TAF1D: variants seen among roughly 807,000 people sequenced by gnomAD.
TAF1D encodes TATA box-binding protein-associated factor RNA polymerase I subunit D.
Under a neutral mutation model 26.2 loss-of-function variants are expected in TAF1D, and 23 were observed. That is an observed-to-expected ratio of 0.88 (90% CI 0.63 to 1.25). TAF1D has a LOEUF of 1.25. Among genes scored for constraint, TAF1D ranks in the 50% most tolerant of loss-of-function variants. TAF1D has a pLI of 0.00. For synonymous variants in TAF1D, 100 were observed against 105.6 expected (o/e 0.95, Z 0.33); for missense variants, 299 against 322.0 (o/e 0.93, Z 0.55).
At chr11:93,731,079 TA>T (rs754829282), downstream of TAF1D, 2 of 518,712 alleles carry the variant, frequency 3.9e-6, no homozygotes, top group Non-Finnish European at 7.7e-6. Flanking sequence ...AACTGCATTC[TA>T]AAAGCCTTGG....
At chr11:93,731,094 T>A, downstream of TAF1D, 1 of 517,572 alleles carries the variant, frequency 1.9e-6, no homozygotes, top group South Asian at 1.4e-5. Context: ...GCCTTGGTAA[T>A]GACCATTACA....
downstream of TAF1D, chr11:93,733,717 G>GC (rs1412656125): frequency 2.4e-6 from 1 of 412,532 alleles, no homozygotes; most frequent in South Asian, 1.9e-5. Flanking sequence ...GTGAGATGTG[G>GC]CAGGATCACA....
At chr11:93,733,769 TGCCTTAGCCTCCAGAGTA>T (rs747271589), downstream of TAF1D, 1 of 278,376 alleles carries the variant, frequency 3.6e-6, no homozygotes, top group Non-Finnish European at 7.2e-6. Context: ...GTGTTTCTCC[TGCCTTAGCCTCCAGAGTA>T]GCTGGGGACC....
chr11:93,741,466 C>A lies in TAF1D; in HGVS notation c.-172G>T, dbSNP rs575040423. On this transcript the variant is annotated 5_prime_UTR_variant, in exon 1 of 6. Transcript: ENST00000448108. ...AGCCCTCCAACTCCCGATAACCAGC[C>A]GACCTCCTCCAACCGTGCGGAAGAA... 8 of 456,276 alleles carry A rather than the reference C, an allele frequency of 1.8e-5. No homozygotes were observed. The highest frequency in any genetic ancestry group is 1.2e-4 in the African/African-American group (6 of 50,202). The allele number at this position is 456,276 out of a possible 1,614,324, so 28.3% of individuals were successfully genotyped here.
At chr11:93,737,896 CTT>C (rs1284662852) in intron 3 of TAF1D, among the ~76,000 whole-genome samples, 1 of 152,166 alleles carries the variant, frequency 6.6e-6, no homozygotes, top group African/African-American at 2.4e-5. Flanking sequence ...GGAGCACTAT[CTT>C]TTAAATATGG....
intron 4 of TAF1D, 71 bp from the exon 5 acceptor site, chr11:93,736,822 G>A (rs975332276): frequency 6.8e-7 from 1 of 1,477,684 alleles, no homozygotes; most frequent in Non-Finnish European, 9.2e-7. Flanking sequence ...ATTCCACTCT[G>A]AAATATAACT....
At chr11:93,734,195 G>A (rs1245311601), downstream of TAF1D, 2 of 155,464 alleles carry the variant, frequency 1.3e-5, no homozygotes, top group East Asian at 1.9e-4. Flanking sequence ...AATATAATGT[G>A]CCTGTAAGTT....
chr11:93,733,159 A>G (rs1481625062), downstream of TAF1D: 1 of 505,676 alleles, frequency 2.0e-6, no homozygotes, highest in African/African-American at 1.9e-5. Flanking sequence ...GAAAGGATAC[A>G]TTTCCAGTTA....
At chr11:93,732,112 G>A (rs755821837), downstream of TAF1D, 2 of 518,724 alleles carry the variant, frequency 3.9e-6, no homozygotes, top group Admixed American at 3.9e-5. Flanking sequence ...GATCAACAGT[G>A]CCCATTCTCT....
chr11:93,739,984 A>AG (rs1941539985), intron 1 of TAF1D, among the ~76,000 whole-genome samples: 1 of 142,350 alleles, frequency 7.0e-6, no homozygotes, highest in Non-Finnish European at 1.5e-5. Flanking sequence ...AAAAAAAAAG[A>AG]AAAAGATTCC....
chr11:93,741,244 G>A, intron 1 of TAF1D, 78 bp downstream of exon 1: 1 of 446,916 alleles, frequency 2.2e-6, no homozygotes, highest in South Asian at 1.6e-5. Flanking sequence ...ACCAACGAAG[G>A]GGCCCCGGGA....
intron 4 of TAF1D, 151 bp from the exon 5 acceptor site, chr11:93,736,902 C>T (rs535055368): frequency 2.7e-5 from 30 of 1,092,528 alleles, no homozygotes; most frequent in African/African-American, 1.5e-4. Flanking sequence ...TCTAGATGAA[C>T]GGTGTGCCAA....
At chr11:93,730,210 A>T in exon 12 of TAF1D, 1 of 1,551,418 alleles carries the variant, frequency 6.4e-7, no homozygotes, top group Non-Finnish European at 8.7e-7. Flanking sequence ...ACTGAAACTC[A>T]AATTTTTATT....
At chr11:93,731,556 G>A (rs760883945), downstream of TAF1D, 7 of 518,530 alleles carry the variant, frequency 1.3e-5, no homozygotes, top group Non-Finnish European at 2.3e-5. Context: ...TGAACATTTC[G>A]CCCATCATCA....
chr11:93,738,467 G>C lies in TAF1D; in HGVS notation c.101C>G (p.Thr34Ser). 1 of 1,578,546 alleles carries C rather than the reference G, an allele frequency of 6.3e-7. No homozygotes were observed. The highest frequency in any genetic ancestry group is 8.6e-7 in the Non-Finnish European group (1 of 1,168,194). The change falls in exon 3 of 6, where the codon ACT (threonine) becomes AGT (serine). Residue 34 changes from threonine to serine, a missense_variant. Thr to Ser is a moderately conservative substitution (Grantham distance 58). Coordinates refer to ENST00000448108, the MANE Select transcript of TAF1D (RefSeq NM_024116.4). ...TTTAGGTGAGTAAGGGATACACTGA[G>C]TTTTAAATAAGCTGCTATCAGAAGA... is the stretch of plus-strand genomic sequence containing the variant. ...DNSSDSSLFK[T>S]QCIPYSPKGE...
chr11:93,736,821 T>G, intron 4 of TAF1D, 70 bp from the exon 5 acceptor site: 6 of 1,491,464 alleles, frequency 4.0e-6, no homozygotes, highest in Non-Finnish European at 5.5e-6. Context: ...TATTCCACTC[T>G]GAAATATAAC....
chr11:93,733,227 GCT>G (rs764504699), downstream of TAF1D: 15 of 518,956 alleles, frequency 2.9e-5, no homozygotes, highest in Non-Finnish European at 4.2e-5. Flanking sequence ...GCCATATCCA[GCT>G]CTGTCAGAAT....
downstream of TAF1D, chr11:93,731,635 G>C: frequency 4.0e-6 from 2 of 499,908 alleles, no homozygotes; most frequent in South Asian, 1.5e-5. Flanking sequence ...ACTCCTAAGT[G>C]GTGATAGATG....
rs974388883 is a variant in TAF1D at position 93,738,464 on chromosome 11, T to C, written c.104A>G (p.Gln35Arg). The C allele has an allele frequency of 1.9e-6, 3 of 1,584,124 alleles. No individual in the cohort carries two copies. The highest frequency in any genetic ancestry group is 1.4e-5 in the African/African-American group (1 of 72,850). ...CCCTTTAGGTGAGTAAGGGATACAC[T>C]GAGTTTTAAATAAGCTGCTATCAGA... is the stretch of plus-strand genomic sequence containing the variant. ...NSSDSSLFKT[Q>R]CIPYSPKGEK... is the part of the protein sequence containing the mutation. Residue 35 changes from glutamine to arginine, a missense_variant, in exon 3 of 6, where the codon CAG becomes CGG. Coordinates refer to ENST00000448108, the MANE Select transcript of TAF1D (RefSeq NM_024116.4).
Sources: gnomAD v4.1 joint callset for allele counts (sites outside exome capture counted in the v4.1 genomes callset) on GRCh38, gnomAD v4.1.1 for gene constraint, MANE v1.5 for transcripts, NCBI Gene and HGNC (gene_info 2026-07-23, HGNC 2026-07-21) for gene names.